Variants in COX17 observed in about 807,000 individuals in gnomAD.
The protein encoded by COX17 is cytochrome c oxidase copper chaperone COX17, also known as cytochrome c oxidase copper chaperone.
A neutral mutation model predicts 6.3 loss-of-function variants in COX17; 1 was observed. The ratio of observed to expected loss-of-function variants is 0.16; its 90% CI spans 0.06 to 0.75. The LOEUF is 0.75. Ranked by LOEUF, COX17 falls within the 30% of genes least tolerant of loss-of-function variation. The pLI is 0.77. For missense variants in COX17, 73 were observed against 81.2 expected, an observed-to-expected ratio of 0.90 and a Z score of 0.39; for synonymous variants, 26 against 30.5, an observed-to-expected ratio of 0.85 and a Z score of 0.49.
chr3:119,668,715 G>A (rs150460219), downstream of COX17, among the ~76,000 whole-genome samples: 552 of 151,992 alleles, frequency 3.6e-3, 7 homozygotes, highest in African/African-American at 0.013. Context: ...TTATAAAGGA[G>A]GGACTTTTCC....
At position 119,675,041 on chromosome 3, in the gene COX17, T is replaced by C. The variant is rs182303001; in HGVS notation, c.*4+104A>G. The C allele has an allele frequency of 1.3e-4, 101 of 781,094 alleles. No homozygotes were observed. In the East Asian group the frequency reaches 2.4e-3, roughly 19 times the overall value. The allele number at this position is 781,094 out of a possible 1,614,324, so 48.4% of individuals were successfully genotyped here. A position where few individuals can be genotyped will look rare whatever the true frequency, so the allele number is the denominator to read the frequency against. ...AATCATGGTTTTTTCAAATTGATAC[T>C]TAAGCATTTTAGATTAACCAGGTGA... On this transcript the variant is annotated intron_variant, in intron 2 of 2. Coordinates refer to ENST00000261070, the MANE Select transcript of COX17 (RefSeq NM_005694.2).
At position 119,677,338 on chromosome 3, in the gene COX17, G is replaced by C; in HGVS notation, c.-28C>G. 1 of 1,585,832 alleles carries C rather than the reference G, an allele frequency of 6.3e-7. No homozygotes were observed. Among genetic ancestry groups the C allele is most frequent in the Non-Finnish European group, 8.6e-7 (1 of 1,159,800 alleles). On this transcript the variant is annotated 5_prime_UTR_variant, in exon 1 of 3. Coordinates refer to ENST00000261070, the MANE Select transcript of COX17 (RefSeq NM_005694.2). The stretch of plus-strand genomic sequence containing the variant: ...TTCGCGCCAAAAGCAGCTATGAGCG[G>C]AGACAGCCAAATCTATGCCAGCCTC...
chr3:119,675,365 C>T (rs141748315), intron 1 of COX17, 132 bp from the exon 2 acceptor site: 31 of 633,948 alleles, frequency 4.9e-5, no homozygotes, highest in East Asian at 4.4e-4. Flanking sequence ...ACGCTATTAC[C>T]TCAAACAGCT....
downstream of COX17, among the ~76,000 whole-genome samples, chr3:119,666,569 G>A (rs2052994313): frequency 1.3e-5 from 2 of 152,188 alleles, no homozygotes; most frequent in South Asian, 2.1e-4. Flanking sequence ...GCACTGTTTA[G>A]GAAAGCATCT....
At chr3:119,677,062 G>C (rs2053110350) in intron 1 of COX17, 142 bp downstream of exon 1, 3 of 686,768 alleles carry the variant, frequency 4.4e-6, no homozygotes, top group African/African-American at 1.8e-5. Context: ...GTGGGGGAAG[G>C]GGGGAAGGAA....
chr3:119,676,807 G>C (rs778957967), intron 1 of COX17: 7 of 702,154 alleles, frequency 1.0e-5, no homozygotes, highest in African/African-American at 1.7e-5. Context: ...CTTTATCCAT[G>C]TCTACATCTT....
rs944764005 is a variant in COX17, at chr3:119,677,353, A to G, written c.-43T>C. The G allele has an allele frequency of 6.5e-7, 1 of 1,538,194 alleles. No individual in the cohort carries two copies. The highest frequency in any genetic ancestry group is 1.4e-5 in the African/African-American group (1 of 73,198). ...GCTATGAGCGGAGACAGCCAAATCT[A>G]TGCCAGCCTCGGCAAACGCCGATTC... On this transcript the variant is annotated 5_prime_UTR_variant, in exon 1 of 3. Transcript: ENST00000261070.
At position 119,676,800 on chromosome 3, in the gene COX17, T is replaced by C. The variant is rs1417209375; in HGVS notation, c.107+404A>G. 2.0e-5 allele frequency: 14 copies of C among 701,370 alleles called. No individual in the cohort carries two copies. The Admixed American group carries it at 2.8e-4, about 14-fold the overall frequency. The allele number at this position is 701,370 out of a possible 1,614,324, so 43.4% of individuals were successfully genotyped here. A position where few individuals can be genotyped will look rare whatever the true frequency, so the allele number is the denominator to read the frequency against. On this transcript the variant is annotated intron_variant, in intron 1 of 2. Coordinates refer to ENST00000261070, the MANE Select transcript of COX17 (RefSeq NM_005694.2). ...GCTCCTTTATATCAAGATGCATCTTTATCCATGTCTACATCTTCGGACCTA... is the reference window on the plus strand; with the variant it reads ...GCTCCTTTATATCAAGATGCATCTTCATCCATGTCTACATCTTCGGACCTA...
At chr3:119,674,963 G>T (rs1331010880) in intron 2 of COX17, among the ~76,000 whole-genome samples, 182 bp downstream of exon 2, 1 of 151,928 alleles carries the variant, frequency 6.6e-6, no homozygotes, top group Non-Finnish European at 1.5e-5. Flanking sequence ...TCCCCAATCC[G>T]CTAAATGACT....
At chr3:119,672,377 A>G (rs2053052973) in intron 2 of COX17, among the ~76,000 whole-genome samples, 1 of 152,270 alleles carries the variant, frequency 6.6e-6, no homozygotes, top group Non-Finnish European at 1.5e-5. Flanking sequence ...TTTTGAATAT[A>G]TGCCACTTAT....
chr3:119,677,168 G>T, intron 1 of COX17, 36 bp downstream of exon 1: 1 of 1,551,408 alleles, frequency 6.4e-7, no homozygotes, highest in Non-Finnish European at 8.8e-7. Flanking sequence ...GCGGCCCGGG[G>T]CTCGTCGGCC....
At chr3:119,673,751 A>G (rs2053068799) in intron 2 of COX17, among the ~76,000 whole-genome samples, 1 of 152,340 alleles carries the variant, frequency 6.6e-6, no homozygotes, top group Non-Finnish European at 1.5e-5. Context: ...CTTCCAAACA[A>G]AAGAGTATCA....
chr3:119,666,913 A>G (rs2052998076), downstream of COX17: 1 of 152,206 alleles, frequency 6.6e-6, no homozygotes. Context: ...CCGGGCTTCA[A>G]CTTACCTCGC....
intron 1 of COX17, 31 bp downstream of exon 1, chr3:119,677,173 T>C: frequency 6.4e-7 from 1 of 1,573,644 alleles, no homozygotes; most frequent in South Asian, 1.1e-5. Flanking sequence ...CCGGGGCTCG[T>C]CGGCCGCGCC....
chr3:119,667,724 C>T (rs930351283), downstream of COX17, among the ~76,000 whole-genome samples: 1 of 106,014 alleles, frequency 9.4e-6, no homozygotes, highest in African/African-American at 3.3e-5. Flanking sequence ...CACACACACA[C>T]ACACAGAGAG....
chr3:119,675,077 A>T, intron 2 of COX17, 68 bp downstream of exon 2: 1 of 1,109,088 alleles, frequency 9.0e-7, no homozygotes, highest in Non-Finnish European at 1.4e-6. Context: ...ACTACCTTTC[A>T]GAGAGAATGT....
At chr3:119,666,320 C>T (rs74536482), downstream of COX17, among the ~76,000 whole-genome samples, 3,240 of 152,228 alleles carry the variant, frequency 0.021, 44 homozygotes, top group Middle Eastern at 0.071. Context: ...AAGCACATGA[C>T]GGGCTTCATC....
chr3:119,674,096 T>C (rs2053073693), intron 2 of COX17, among the ~76,000 whole-genome samples: 2 of 149,258 alleles, frequency 1.3e-5, no homozygotes, highest in South Asian at 4.2e-4. Flanking sequence ...TCTGCCCAGC[T>C]GCCGCCCTGT....
In COX17 at chr3:119,675,132, G is replaced by A. The variant is rs1301148679; in HGVS notation, c.*4+13C>T. ...CTGTAAAGCAATACACAACTTTGAAGCAAGAAGCTTACCATTTCATATTTT... is the reference window on the plus strand; with the variant it reads ...CTGTAAAGCAATACACAACTTTGAAACAAGAAGCTTACCATTTCATATTTT... On this transcript the variant is annotated intron_variant, in intron 2 of 2. Transcript: ENST00000261070. 4 of 1,585,608 alleles carry A rather than the reference G, an allele frequency of 2.5e-6. No homozygotes were observed. The highest frequency in any genetic ancestry group is 3.3e-5 in the Admixed American group (2 of 59,972).
Sources: allele counts gnomAD v4.1 joint callset (sites outside exome capture counted in the v4.1 genomes callset), GRCh38; gene constraint gnomAD v4.1.1; transcripts MANE v1.5; gene names NCBI Gene and HGNC (gene_info 2026-07-23, HGNC 2026-07-21).